Variants in RBMS3 observed in about 807,000 individuals in gnomAD.
RBMS3 encodes RNA-binding motif, single-stranded-interacting protein 3.
A neutral mutation model predicts 66.8 loss-of-function variants in RBMS3; 27 were observed. The ratio of observed to expected loss-of-function variants is 0.40; its 90% CI spans 0.30 to 0.56. RBMS3 has a LOEUF of 0.56. Ranked by LOEUF, RBMS3 falls within the 20% of genes least tolerant of loss-of-function variation. The pLI is 0.40. For synonymous variants in RBMS3, 188 were observed against 183.0 expected (o/e 1.03, Z -0.22); for missense variants, 513 against 549.5 (o/e 0.93, Z 0.66).
chr3:29,783,909 A>G (rs942167179), intron 6 of RBMS3, among the ~76,000 whole-genome samples: 2 of 152,188 alleles, frequency 1.3e-5, no homozygotes, highest in African/African-American at 4.8e-5. Context: ...CTTACATCAG[A>G]TGAAACAAAC....
chr3:29,417,038 C>T (rs1232003983), intron 1 of RBMS3, among the ~76,000 whole-genome samples: 1 of 151,722 alleles, frequency 6.6e-6, no homozygotes, highest in Non-Finnish European at 1.5e-5. Flanking sequence ...AGATAATTCT[C>T]CCTGGAGAAA....
chr3:29,746,722 C>A (rs971468956), intron 5 of RBMS3, among the ~76,000 whole-genome samples: 33 of 152,062 alleles, frequency 2.2e-4, no homozygotes, highest in African/African-American at 8.0e-4. Context: ...CCTAACTAAC[C>A]AGTGAACCAA....
chr3:29,456,723 TAAA>T (rs1292040119), intron 2 of RBMS3, among the ~76,000 whole-genome samples: 1 of 141,516 alleles, frequency 7.1e-6, no homozygotes, highest in Non-Finnish European at 1.6e-5. Context: ...TTGTGGGAAC[TAAA>T]AAAATTAAAC....
At chr3:29,398,408 G>T (rs552562716) in intron 1 of RBMS3, among the ~76,000 whole-genome samples, 8 of 152,170 alleles carry the variant, frequency 5.3e-5, no homozygotes, top group Non-Finnish European at 8.8e-5. Context: ...TTTCTCTCTG[G>T]TCATCAGGAA....
intron 1 of RBMS3, among the ~76,000 whole-genome samples, chr3:29,403,711 T>A (rs543352471): frequency 1.5e-4 from 23 of 152,246 alleles, no homozygotes; most frequent in African/African-American, 5.5e-4. Flanking sequence ...TTCCTTCTTT[T>A]CTTTTCTGTC....
Position 29,930,109 on chromosome 3 carries a change from C to CTTTCTTTCTTTTTTTTTTTTTTTTT in RBMS3, c.940-5974_940-5973insCTTTCTTTTTTTTTTTTTTTTTTTT, listed in dbSNP as rs71091082. On this transcript the variant is annotated intron_variant, in intron 10 of 14. Transcript: ENST00000383767. ...TACTTTGTGTCACTTTTCTTTCTTT[C>CTTTCTTTCTTTTTTTTTTTTTTTTT]TTTTTTTTTTTTTTTTTTTTGAGAT... Among the ~76,000 whole-genome samples the CTTTCTTTCTTTTTTTTTTTTTTTTT allele has an allele frequency of 2.3e-4, 10 of 43,568 alleles. 1 individual carries two copies. The highest frequency in any genetic ancestry group is 4.4e-4 in the African/African-American group (7 of 15,848). 28.6% of individuals were successfully genotyped at this position (43,568 alleles called of 152,430 possible). A position where few individuals can be genotyped will look rare whatever the true frequency, so the allele number is the denominator to read the frequency against.
intron 10 of RBMS3, among the ~76,000 whole-genome samples, chr3:29,931,502 C>T (rs1559812631): frequency 2.0e-5 from 3 of 152,124 alleles, no homozygotes; most frequent in Non-Finnish European, 4.4e-5. Flanking sequence ...AGTTGGACTG[C>T]ACTACTACGT....
At chr3:29,458,386 A>G (rs2042264474) in intron 2 of RBMS3, among the ~76,000 whole-genome samples, 1 of 152,178 alleles carries the variant, frequency 6.6e-6, no homozygotes, top group Non-Finnish European at 1.5e-5. Context: ...GATAGTAATT[A>G]TAATCATCTC....
rs766476821 is a variant in RBMS3, at chr3:29,599,873, T to C, written c.399+12668T>C. Among the ~76,000 whole-genome samples the C allele has an allele frequency of 5.3e-5, 8 of 152,058 alleles. No individual in the cohort carries two copies. The East Asian group carries it at 1.5e-3, about 29-fold the overall frequency. Reference sequence around the variant, plus strand: ...CCATTTGAAGTGCAAAAACTGATCTTAATCCATAAAGTATTCACCCAAATC... The same window carrying C: ...CCATTTGAAGTGCAAAAACTGATCTCAATCCATAAAGTATTCACCCAAATC... On this transcript the variant is annotated intron_variant, in intron 4 of 14. Coordinates refer to ENST00000383767, the MANE Select transcript of RBMS3 (RefSeq NM_001003793.3).
chr3:29,999,024 G>A (rs1433311557), intron 14 of RBMS3, among the ~76,000 whole-genome samples: 1 of 152,098 alleles, frequency 6.6e-6, no homozygotes, highest in Non-Finnish European at 1.5e-5. Context: ...CTACTCATCT[G>A]ACAAAGGGCT....
intron 4 of RBMS3, among the ~76,000 whole-genome samples, chr3:29,680,639 A>G (rs1033437603): frequency 3.0e-4 from 46 of 152,190 alleles, no homozygotes; most frequent in African/African-American, 1.1e-3. Flanking sequence ...CCCAAATACA[A>G]TCAAAGATGA....
At chr3:29,982,049 G>T (rs527484321) in intron 12 of RBMS3, among the ~76,000 whole-genome samples, 7 of 152,246 alleles carry the variant, frequency 4.6e-5, no homozygotes, top group Non-Finnish European at 8.8e-5. Context: ...GAATCCATCT[G>T]CTCCTGGGCT....
At chr3:29,504,011 AGTTT>A (rs1203392422) in intron 3 of RBMS3, among the ~76,000 whole-genome samples, 2 of 152,140 alleles carry the variant, frequency 1.3e-5, no homozygotes, top group Non-Finnish European at 2.9e-5. Flanking sequence ...TTCTCTAAAC[AGTTT>A]GTAGATGATT....
intron 6 of RBMS3, among the ~76,000 whole-genome samples, chr3:29,785,317 C>T (rs1052876850): frequency 2.0e-5 from 3 of 152,088 alleles, no homozygotes; most frequent in Non-Finnish European, 2.9e-5. Context: ...GATAATCCAC[C>T]ATTATCAAGT....
chr3:29,877,736 G>A (rs1258673496), intron 7 of RBMS3, among the ~76,000 whole-genome samples: 2 of 152,138 alleles, frequency 1.3e-5, no homozygotes, highest in African/African-American at 4.8e-5. Context: ...TCTCCTGACT[G>A]TGCCGGAGTT....
At chr3:29,629,817 G>C (rs2049218595) in intron 4 of RBMS3, among the ~76,000 whole-genome samples, 1 of 152,018 alleles carries the variant, frequency 6.6e-6, no homozygotes, top group Non-Finnish European at 1.5e-5. Context: ...ACCTGACAAG[G>C]CTGCTATCTA....
intron 4 of RBMS3, among the ~76,000 whole-genome samples, chr3:29,640,532 A>G (rs1018593558): frequency 1.3e-5 from 2 of 151,988 alleles, no homozygotes; most frequent in African/African-American, 2.4e-5. Context: ...TCAATTGGTC[A>G]GTCTGTTGTA....
chr3:29,846,068 AG>A (rs2058767956), intron 6 of RBMS3, among the ~76,000 whole-genome samples: 1 of 151,412 alleles, frequency 6.6e-6, no homozygotes, highest in African/African-American at 2.4e-5. Flanking sequence ...TATGAAAAAA[AG>A]TTTGATTTTT....
chr3:29,515,474 A>G (rs2044585579), intron 3 of RBMS3, among the ~76,000 whole-genome samples: 1 of 152,246 alleles, frequency 6.6e-6, no homozygotes, highest in African/African-American at 2.4e-5. Context: ...GGCCAGAGTA[A>G]TATTTTGGAA....
Sources: allele counts gnomAD v4.1 joint callset (sites outside exome capture counted in the v4.1 genomes callset), GRCh38; gene constraint gnomAD v4.1.1; transcripts MANE v1.5; gene names NCBI Gene and HGNC (gene_info 2026-07-23, HGNC 2026-07-21).